The following KIFC3 variants were observed in gnomAD, a reference collection of about 807,000 sequenced individuals.
KIFC3 encodes the protein kinesin-like protein KIFC3.
Under a neutral mutation model 101.8 loss-of-function variants are expected in KIFC3, and 60 were observed. The observed-to-expected ratio is 0.59, with a 90% confidence interval of 0.48 to 0.73. KIFC3 has a LOEUF of 0.73. KIFC3 is among the 30% of genes least tolerant of loss of function. The pLI, the probability that KIFC3 is intolerant of heterozygous loss-of-function variation, is 0.00. For synonymous variants in KIFC3, 476 were observed against 482.7 expected, an observed-to-expected ratio of 0.99 and a Z score of 0.18; for missense variants, 966 against 1,137.1, an observed-to-expected ratio of 0.85 and a Z score of 2.16.
chr16:57,796,199 C>T (rs890126425), intron 2 of KIFC3, among the ~76,000 whole-genome samples: 19 of 152,178 alleles, frequency 1.2e-4, no homozygotes, highest in Non-Finnish European at 2.1e-4. Context: ...AGCCTTTACA[C>T]ACCTTCTTGG....
At chr16:57,830,235 T>TC (rs1358231893) in intron 1 of KIFC3, among the ~76,000 whole-genome samples, 1 of 142,240 alleles carries the variant, frequency 7.0e-6, no homozygotes, top group Non-Finnish European at 1.5e-5. Context: ...CTTTTTTCTT[T>TC]CTTTTTTTTT....
chr16:57,788,711 C>T (rs2053581988), intron 3 of KIFC3: 1 of 1,289,592 alleles, frequency 7.8e-7, no homozygotes, highest in East Asian at 5.6e-5. Context: ...CCTGCAGGGC[C>T]TGCTGCCAAG....
rs143384513 is a variant in KIFC3, at chr16:57,822,645, C to T, written c.109-24363G>A. Among the ~76,000 whole-genome samples, 1,176 of 151,488 alleles carry T rather than the reference C, an allele frequency of 7.8e-3. 15 individuals carry two copies. Among genetic ancestry groups the T allele is most frequent in the African/African-American group, 0.028 (1,138 of 41,240 alleles). On this transcript the variant is annotated intron_variant, in intron 1 of 2. Coordinates refer to the KIFC3 transcript ENST00000563028. ...CCAGGAGGTGGAGGTTGCAGTGAGC[C>T]GAGATCACACCATTGCACTCCAGCC...
rs1555596218 is a variant in KIFC3 at position 57,760,913 on chromosome 16, C to G, written c.2045G>C (p.Gly682Ala). 6.2e-7 allele frequency: 1 copy of G among 1,608,024 alleles called. No homozygotes were observed. The highest frequency in any genetic ancestry group is 1.7e-5 in the Admixed American group (1 of 59,830). Residue 682 changes from glycine to alanine, a missense_variant, in exon 16 of 20, where the codon GGC becomes GCC. Gly to Ala is a moderately conservative substitution (Grantham distance 60, BLOSUM62 0). Coordinates refer to ENST00000445690, the MANE Select transcript of KIFC3 (RefSeq NM_001130100.2). ...GCGGCTGCCCTCGGCCCCCGACTTG[C>G]CCACGCGCTCCGAGCCAGCCAAGTC... ...LVDLAGSERV[G>A]KSGAEGSRLR...
chr16:57,856,801 C>A (rs1332665174), intron 1 of KIFC3, among the ~76,000 whole-genome samples: 2 of 152,010 alleles, frequency 1.3e-5, no homozygotes, highest in African/African-American at 4.8e-5. Flanking sequence ...TGAAATGGAC[C>A]AATTCCTTAA....
At chr16:57,811,693 A>G (rs1041049945) in intron 1 of KIFC3, among the ~76,000 whole-genome samples, 1 of 152,078 alleles carries the variant, frequency 6.6e-6, no homozygotes, top group Non-Finnish European at 1.5e-5. Context: ...AGGCAGGTGG[A>G]TCATTTGAGG....
At chr16:57,759,295 G>A (rs2049518224) in intron 18 of KIFC3, 142 bp from the exon 19 acceptor site, 7 of 996,900 alleles carry the variant, frequency 7.0e-6, no homozygotes, top group Non-Finnish European at 1.0e-5. Context: ...TGGAGCCCTG[G>A]GTCCCGGTCC....
chr16:57,839,722 C>T (rs2055765036), intron 1 of KIFC3, among the ~76,000 whole-genome samples: 1 of 152,020 alleles, frequency 6.6e-6, no homozygotes, highest in South Asian at 2.1e-4. Flanking sequence ...TTTTGGCTAA[C>T]ATTATTATTC....
At chr16:57,838,668 C>T (rs2055745592) in intron 1 of KIFC3, among the ~76,000 whole-genome samples, 1 of 152,200 alleles carries the variant, frequency 6.6e-6, no homozygotes. Flanking sequence ...GGTGTTGCAG[C>T]TTCCATTTTC....
At chr16:57,802,695 C>T, upstream of KIFC3, 6 of 865,436 alleles carry the variant, frequency 6.9e-6, no homozygotes, top group Non-Finnish European at 1.0e-5. This position sits in a 1 kb window ranked among gnomAD's most constrained non-coding sequence, Gnocchi z 5.0. Context: ...CCCACTCGGT[C>T]TCTCCCGCCT....
chr16:57,771,291 A>G lies in KIFC3; in HGVS notation c.672T>C (p.Ala224=). ...GCCGCTCCTCCTCCTGTGCCTTCTC[A>G]GCCAGGCAGTCCTTGAGTCGCAGCT... The part of the protein sequence containing the change: ...EVELRLKDCL[A]EKAQEEERLS... The change falls in exon 6 of 20, where the codon GCT becomes GCC. Residue 224 remains alanine (A), a synonymous_variant. Coordinates refer to ENST00000445690, the MANE Select transcript of KIFC3 (RefSeq NM_001130100.2). 1 of 1,613,452 alleles carries G rather than the reference A, an allele frequency of 6.2e-7. No individual in the cohort carries two copies. Among genetic ancestry groups the G allele is most frequent in the Non-Finnish European group, 8.5e-7 (1 of 1,179,912 alleles).
At chr16:57,816,181 T>C (rs782445574) in intron 1 of KIFC3, 44 of 1,269,342 alleles carry the variant, frequency 3.5e-5, no homozygotes, top group Non-Finnish European at 4.4e-5. Context: ...CTCCCACTTC[T>C]AATAGTTCAT....
chr16:57,809,652 T>C (rs1475024341), intron 1 of KIFC3, among the ~76,000 whole-genome samples: 3 of 152,182 alleles, frequency 2.0e-5, no homozygotes, highest in African/African-American at 7.2e-5. Context: ...AGAGAGGTTG[T>C]CAATTTCATA....
In KIFC3 at chr16:57,766,924, C is replaced by T. The variant is rs781967826; in HGVS notation, c.1280G>A (p.Arg427His). 1.4e-5 allele frequency: 22 copies of T among 1,612,646 alleles called. No homozygotes were observed. Among genetic ancestry groups the T allele is most frequent in the Non-Finnish European group, 1.7e-5 (20 of 1,179,990 alleles). ...GCACTTCTTACGCAGCTGCAGCTCG[C>T]GGCGGTACTTGCGCAGCAGCTCCTG... ...NNQELLRKYRRELQLRKKCHN... is the reference protein window; with the variant it reads ...NNQELLRKYRHELQLRKKCHN... The change falls in exon 10 of 20, where the codon CGC becomes CAC. Residue 427 changes from arginine (R) to histidine (H), a missense_variant. By Grantham distance (29) the Arg-to-His change is conservative. Transcript: ENST00000445690.
At chr16:57,785,505 C>A (rs1555617160) in intron 3 of KIFC3, 1 of 1,289,122 alleles carries the variant, frequency 7.8e-7, no homozygotes, top group South Asian at 1.2e-5. Context: ...TGGTCACTGT[C>A]GCGGAGGGCC....
At position 57,769,886 on chromosome 16, in the gene KIFC3, C is replaced by T. The variant is rs138734123; in HGVS notation, c.1009G>A (p.Glu337Lys). The change falls in exon 8 of 20, where the codon GAG becomes AAG. Residue 337 changes from glutamate (E) to lysine (K), a missense_variant. Physicochemically the swap from Glu to Lys is moderately conservative, Grantham distance 56. Transcript: ENST00000445690. This position sits in a 1 kb window ranked among gnomAD's most constrained non-coding sequence, Gnocchi z 4.3. ...QMLEEMQSLE[E>K]DKNRAIEEAF... ...TCCTCAATGGCCCGGTTCTTGTCCT[C>T]TTCCAGGGACTGCATCTCCTCCAGC... 6.2e-7 allele frequency: 1 copy of T among 1,613,996 alleles called. No individual in the cohort carries two copies. The highest frequency in any genetic ancestry group is 2.2e-5 in the East Asian group (1 of 44,886).
At chr16:57,802,722 C>T, upstream of KIFC3, 1 of 789,170 alleles carries the variant, frequency 1.3e-6, no homozygotes, top group Non-Finnish European at 2.0e-6. This position sits in a 1 kb window ranked among gnomAD's most constrained non-coding sequence, Gnocchi z 5.0. Flanking sequence ...GTCCCGCACT[C>T]GCACTGGCAC....
rs75138129 is a variant in KIFC3, at chr16:57,772,016, G to C, written c.381+207C>G. ...GGGTTCACACTCCCGTTTAATGTCAGCAACAGAGAAGGAACCTCCCACCCC... is the reference window on the plus strand; with the variant it reads ...GGGTTCACACTCCCGTTTAATGTCACCAACAGAGAAGGAACCTCCCACCCC... On this transcript the variant is annotated intron_variant, in intron 4 of 19. Transcript: ENST00000445690. 6.8e-4 allele frequency among the ~76,000 whole-genome samples: 104 copies of C among 152,214 alleles called. 1 individual carries two copies. In the East Asian group the frequency reaches 0.014, roughly 21 times the overall value.
rs1022277223 is a variant in KIFC3, at chr16:57,758,917, G to A, written c.*25-8C>T. The A allele has an allele frequency of 6.4e-7, 1 of 1,568,170 alleles. No homozygotes were observed. The highest frequency in any genetic ancestry group is 8.6e-7 in the Non-Finnish European group (1 of 1,157,232). On this transcript the variant is annotated splice_polypyrimidine_tract_variant and splice_region_variant and intron_variant, in intron 19 of 19. Coordinates refer to ENST00000445690, the MANE Select transcript of KIFC3 (RefSeq NM_001130100.2). ...GCAGTGGCCGCGACTTCCCTGCAGG[G>A]GCATGAGATCATCAGCCTCTTGTCC...
Sources: allele counts gnomAD v4.1 joint callset (sites outside exome capture counted in the v4.1 genomes callset), GRCh38; gene constraint gnomAD v4.1.1; non-coding constraint Gnocchi (gnomAD v3.1); transcripts MANE v1.5; gene names NCBI Gene and HGNC (gene_info 2026-07-23, HGNC 2026-07-21).